TRIO: variants seen among roughly 807,000 people sequenced by gnomAD.
TRIO encodes trio Rho guanine nucleotide exchange factor.
TRIO carries 58 observed loss-of-function variants against 351.9 expected under a neutral mutation model. The ratio of observed to expected loss-of-function variants is 0.16; its 90% CI spans 0.13 to 0.21. The LOEUF (loss-of-function observed/expected upper bound fraction) is 0.21. Ranked by LOEUF, TRIO falls within the 10% of genes least tolerant of loss-of-function variation. TRIO has a pLI of 1.00. For missense variants in TRIO, 3,201 were observed against 4,027.8 expected, an observed-to-expected ratio of 0.79 and a Z score of 5.56; for synonymous variants, 1,758 against 1,595.7, an observed-to-expected ratio of 1.10 and a Z score of -2.42.
chr5:14,489,490 C>T (rs1756313976), intron 48 of TRIO, among the ~76,000 whole-genome samples: 1 of 152,186 alleles, frequency 6.6e-6, no homozygotes, highest in African/African-American at 2.4e-5. Context: ...GAGATGCAGT[C>T]AACCCAGTGA....
chr5:14,430,031 T>A (rs749339777), intron 34 of TRIO, among the ~76,000 whole-genome samples: 4 of 152,146 alleles, frequency 2.6e-5, no homozygotes, highest in Admixed American at 1.3e-4. Flanking sequence ...TTCACTGATA[T>A]ATACAGCGCT....
chr5:14,333,132 G>C (rs2152317054), intron 10 of TRIO, among the ~76,000 whole-genome samples: 1 of 152,246 alleles, frequency 6.6e-6, no homozygotes, highest in Non-Finnish European at 1.5e-5. Flanking sequence ...GAGGATGTTG[G>C]AGTTGTATCA....
chr5:14,223,994 G>C (rs1792819279), intron 1 of TRIO, among the ~76,000 whole-genome samples: 1 of 152,012 alleles, frequency 6.6e-6, no homozygotes, highest in African/African-American at 2.4e-5. Context: ...ACCCACATTT[G>C]GCCTGAAAAT....
chr5:14,338,956 C>G (rs1001303408), intron 11 of TRIO, among the ~76,000 whole-genome samples: 1 of 152,140 alleles, frequency 6.6e-6, no homozygotes, highest in Admixed American at 6.5e-5. Flanking sequence ...ACAGAAGACT[C>G]TTCCCACCAA....
intron 1 of TRIO, among the ~76,000 whole-genome samples, chr5:14,238,994 C>T (rs947869813): frequency 1.6e-4 from 25 of 152,126 alleles, no homozygotes; most frequent in African/African-American, 5.1e-4. Context: ...ATGGTGACGC[C>T]GATGAGGCTT....
intron 9 of TRIO, among the ~76,000 whole-genome samples, chr5:14,320,752 A>G (rs1021777667): frequency 1.3e-5 from 2 of 152,138 alleles, no homozygotes; most frequent in African/African-American, 4.8e-5. Context: ...TCCTTTTCTC[A>G]AGGAATTTAT....
chr5:14,317,536 T>A (rs1739479076), intron 9 of TRIO, among the ~76,000 whole-genome samples: 1 of 152,170 alleles, frequency 6.6e-6, no homozygotes, highest in African/African-American at 2.4e-5. Flanking sequence ...GGATCTCAGG[T>A]TTCCATCTCC....
At chr5:14,492,297 G>A (rs961605631) in intron 48 of TRIO, 6 of 481,098 alleles carry the variant, frequency 1.2e-5, no homozygotes, top group East Asian at 3.9e-5. Context: ...ACAGTGGAAC[G>A]AGCTTCCAAA....
chr5:14,307,286 A>G (rs571868923), intron 8 of TRIO, among the ~76,000 whole-genome samples: 170 of 152,136 alleles, frequency 1.1e-3, no homozygotes, highest in Middle Eastern at 6.8e-3. Flanking sequence ...CACTGATCCT[A>G]TTTCCCCAAG....
chr5:14,318,050 C>G (rs2152307019), intron 9 of TRIO, among the ~76,000 whole-genome samples: 1 of 151,936 alleles, frequency 6.6e-6, no homozygotes, highest in East Asian at 1.9e-4. Context: ...TTGCTTGAAC[C>G]CAGGAGGCGG....
At position 14,403,160 on chromosome 5, in the gene TRIO, TAGGTTGTGGTGAGGGTGC is replaced by T. The variant is rs1331069547; in HGVS notation, c.4716+2150_4716+2167del. ...GTGCAGGTTGTGGTGGTGAGGGTTG[TAGGTTGTGGTGAGGGTGC>T]AGGTTGTGGTGAGGGTGCAGGTTGT... is the stretch of plus-strand genomic sequence containing the variant. On this transcript the variant is annotated intron_variant, in intron 31 of 56. Coordinates refer to ENST00000344204, the MANE Select transcript of TRIO (RefSeq NM_007118.4). Among the ~76,000 whole-genome samples, 456 of 99,822 alleles carry T rather than the reference TAGGTTGTGGTGAGGGTGC, an allele frequency of 4.6e-3. 4 individuals are homozygous for T. Among genetic ancestry groups the T allele is most frequent in the Middle Eastern group, 0.02 (2 of 102 alleles). 65.5% of individuals were successfully genotyped at this position (99,822 alleles called of 152,430 possible).
At chr5:14,465,774 C>T in intron 37 of TRIO, 134 bp downstream of exon 37, 1 of 882,876 alleles carries the variant, frequency 1.1e-6, no homozygotes. Context: ...TCAGGAGTCC[C>T]CATGACCACC....
At chr5:14,335,582 T>C (rs1243626003) in intron 10 of TRIO, among the ~76,000 whole-genome samples, 1 of 152,216 alleles carries the variant, frequency 6.6e-6, no homozygotes, top group African/African-American at 2.4e-5. Context: ...ATTAAGGTGA[T>C]TTTTAGAGTA....
intron 16 of TRIO, among the ~76,000 whole-genome samples, chr5:14,367,251 G>A (rs1448033254): frequency 6.6e-6 from 1 of 152,162 alleles, no homozygotes; most frequent in Non-Finnish European, 1.5e-5. Context: ...GGTTCCTGTT[G>A]TTCTCCTGTT....
At chr5:14,360,902 T>TC (rs1446492057) in intron 13 of TRIO, among the ~76,000 whole-genome samples, 1 of 152,216 alleles carries the variant, frequency 6.6e-6, no homozygotes, top group African/African-American at 2.4e-5. Context: ...TGAAACCTGT[T>TC]CAGATGCTCT....
chr5:14,393,552 T>C (rs1380325723), intron 27 of TRIO, among the ~76,000 whole-genome samples: 1 of 152,232 alleles, frequency 6.6e-6, no homozygotes, highest in African/African-American at 2.4e-5. Flanking sequence ...AACCTTTGAT[T>C]ATGCTTCTTA....
intron 1 of TRIO, among the ~76,000 whole-genome samples, chr5:14,201,398 T>TA (rs921603892): frequency 5.9e-5 from 9 of 152,150 alleles, no homozygotes; most frequent in Non-Finnish European, 1.2e-4. Flanking sequence ...AGCAGCTTTT[T>TA]AAAAAAAATT....
At chr5:14,483,530 C>CA (rs1164160865) in intron 46 of TRIO, among the ~76,000 whole-genome samples, 3 of 152,188 alleles carry the variant, frequency 2.0e-5, no homozygotes, top group Non-Finnish European at 4.4e-5. Context: ...TCACAGCACA[C>CA]AGGCAGAACA....
At chr5:14,248,573 AG>A (rs1479026760) in intron 1 of TRIO, among the ~76,000 whole-genome samples, 13 of 152,220 alleles carry the variant, frequency 8.5e-5, no homozygotes, top group Non-Finnish European at 1.8e-4. Context: ...AACAGAAGGC[AG>A]CTCAGGGCCT....
Sources: allele counts gnomAD v4.1 joint callset (sites outside exome capture counted in the v4.1 genomes callset), GRCh38; gene constraint gnomAD v4.1.1; transcripts MANE v1.5; gene names NCBI Gene and HGNC (gene_info 2026-07-23, HGNC 2026-07-21).